SULT4A1: variants seen among roughly 807,000 people sequenced by gnomAD.
SULT4A1 encodes sulfotransferase family 4A member 1, also known as sulfotransferase 4A1.
Under a neutral mutation model 35.2 loss-of-function variants are expected in SULT4A1, and 11 were observed. That is an observed-to-expected ratio of 0.31 (90% CI 0.20 to 0.52). The LOEUF (loss-of-function observed/expected upper bound fraction) is 0.52, where lower values mean the gene tolerates loss of function less well. Among genes scored for constraint, SULT4A1 ranks in the 20% least tolerant of loss-of-function variants. The probability of loss-of-function intolerance (pLI) is 0.97; values close to 1 mark genes in which losing one functional copy is unlikely to be tolerated. For missense variants in SULT4A1, 271 were observed against 383.7 expected (o/e 0.71, Z 2.45); for synonymous variants, 152 against 151.8 (o/e 1.00, Z -0.01).
chr22:43,860,259 A>G (rs1041863639), intron 1 of SULT4A1, among the ~76,000 whole-genome samples: 3 of 152,126 alleles, frequency 2.0e-5, no homozygotes, highest in Non-Finnish European at 4.4e-5. Flanking sequence ...ACTTGCCCCA[A>G]CCCCAGCACC....
At position 43,826,252 on chromosome 22, in the gene SULT4A1, G is replaced by C; in HGVS notation, c.743-139C>G. Reference sequence around the variant, plus strand: ...TGAACTTGGCCTATGGGGGCAGGAAGGGCCGTCTGAGCTACAGACCAGGTG... The same window carrying C: ...TGAACTTGGCCTATGGGGGCAGGAACGGCCGTCTGAGCTACAGACCAGGTG... On this transcript the variant is annotated intron_variant, in intron 6 of 6. Coordinates refer to ENST00000330884, the MANE Select transcript of SULT4A1 (RefSeq NM_014351.4). The C allele has an allele frequency of 5.5e-6, 8 of 1,464,586 alleles. No individual in the cohort carries two copies. The South Asian group carries it at 1.0e-4, about 18-fold the overall frequency. The allele number at this position is 1,464,586 out of a possible 1,614,324, so 90.7% of individuals were successfully genotyped here. A position where few individuals can be genotyped will look rare whatever the true frequency, so the allele number is the denominator to read the frequency against.
intron 6 of SULT4A1, chr22:43,827,363 T>A: frequency 1.0e-6 from 1 of 985,392 alleles, no homozygotes; most frequent in Non-Finnish European, 1.2e-6. Context: ...AAATTATCAG[T>A]GTTGGAGAGA....
intron 2 of SULT4A1, 79 bp from the exon 3 acceptor site, chr22:43,840,104 C>G (rs896565465): frequency 7.3e-6 from 8 of 1,094,992 alleles, no homozygotes; most frequent in Admixed American, 4.5e-5. Flanking sequence ...GGGAAGGGGG[C>G]CAGAGGAGGA....
At chr22:43,840,191 G>A (rs1221665389) in intron 2 of SULT4A1, among the ~76,000 whole-genome samples, 166 bp from the exon 3 acceptor site, 4 of 149,986 alleles carry the variant, frequency 2.7e-5, no homozygotes, top group African/African-American at 9.9e-5. Context: ...GGTCAGGAGA[G>A]CGTCAGGTAA....
At chr22:43,844,897 G>A (rs1320747487) in intron 1 of SULT4A1, among the ~76,000 whole-genome samples, 3 of 152,168 alleles carry the variant, frequency 2.0e-5, no homozygotes, top group Non-Finnish European at 2.9e-5. Flanking sequence ...GCGGGGCCCC[G>A]CCTGGACCAC....
rs192351481 is a variant in SULT4A1 at position 43,846,736 on chromosome 22, G to C, written c.170-4804C>G. Among the ~76,000 whole-genome samples, 71 of 152,368 alleles carry C rather than the reference G, an allele frequency of 4.7e-4. No individual in the cohort carries two copies. The Middle Eastern group carries it at 0.031, about 66-fold the overall frequency. ...ATGTGCCAAGGGTTATAGAACCAGGGTGTGGCTGCCTTGCCTGTTCCTCCT... is the reference window on the plus strand; with the variant it reads ...ATGTGCCAAGGGTTATAGAACCAGGCTGTGGCTGCCTTGCCTGTTCCTCCT... On this transcript the variant is annotated intron_variant, in intron 1 of 6. Coordinates refer to ENST00000330884, the MANE Select transcript of SULT4A1 (RefSeq NM_014351.4).
chr22:43,841,693 T>C, intron 2 of SULT4A1, 109 bp downstream of exon 2: 1 of 1,490,510 alleles, frequency 6.7e-7, no homozygotes, highest in South Asian at 1.3e-5. Context: ...TGGGGCTATC[T>C]GCTCTCCCCT....
chr22:43,835,672 G>A (rs1338859739), intron 4 of SULT4A1, among the ~76,000 whole-genome samples: 3 of 152,132 alleles, frequency 2.0e-5, no homozygotes, highest in African/African-American at 7.2e-5. Flanking sequence ...TGAGTCCCTG[G>A]GGCAGAAGGA....
At chr22:43,857,752 A>T (rs958300275) in intron 1 of SULT4A1, among the ~76,000 whole-genome samples, 1 of 152,168 alleles carries the variant, frequency 6.6e-6, no homozygotes, top group Non-Finnish European at 1.5e-5. Flanking sequence ...ATTTCAGCAG[A>T]AGCTAAACAA....
Position 43,825,924 on chromosome 22 carries a change from A to G in SULT4A1, c.*77T>C. 1 of 1,395,524 alleles carries G rather than the reference A, an allele frequency of 7.2e-7. No homozygotes were observed. The highest frequency in any genetic ancestry group is 1.8e-4 in the Middle Eastern group (1 of 5,520). 86.4% of individuals were successfully genotyped at this position (1,395,524 alleles called of 1,614,324 possible). A position where few individuals can be genotyped will look rare whatever the true frequency, so the allele number is the denominator to read the frequency against. On this transcript the variant is annotated 3_prime_UTR_variant, in exon 7 of 7. Transcript: ENST00000330884. Reference sequence around the variant, plus strand: ...TGCTTCCAGAGTTTGTCCAGCAAGGAATAAATGAATGCATACAGGACTTTT... The same window carrying G: ...TGCTTCCAGAGTTTGTCCAGCAAGGGATAAATGAATGCATACAGGACTTTT...
intron 5 of SULT4A1, among the ~76,000 whole-genome samples, chr22:43,832,452 G>A (rs534446043): frequency 2.6e-5 from 4 of 152,230 alleles, no homozygotes; most frequent in East Asian, 1.9e-4. Flanking sequence ...AGCAAGCCCC[G>A]AAAGGCCACG....
At chr22:43,858,049 CAAAAAAAA>C (rs11362056) in intron 1 of SULT4A1, among the ~76,000 whole-genome samples, 1 of 91,766 alleles carries the variant, frequency 1.1e-5, no homozygotes, top group African/African-American at 4.6e-5. Context: ...GATCCTGTCT[CAAAAAAAA>C]AAAAAAAAAA....
At chr22:43,851,060 C>G (rs1358081307) in intron 1 of SULT4A1, among the ~76,000 whole-genome samples, 1 of 152,102 alleles carries the variant, frequency 6.6e-6, no homozygotes, top group Non-Finnish European at 1.5e-5. Context: ...CAGGATTAAT[C>G]TTCCATTTTT....
intron 6 of SULT4A1, chr22:43,827,058 T>G (rs548592950): frequency 2.0e-6 from 2 of 985,372 alleles, no homozygotes; most frequent in South Asian, 4.7e-5. Flanking sequence ...TCTAGTCCAA[T>G]AGCAACGGTG....
chr22:43,827,137 G>A (rs1603403525), intron 6 of SULT4A1: 1 of 985,466 alleles, frequency 1.0e-6, no homozygotes, highest in Non-Finnish European at 1.2e-6. Flanking sequence ...CATCACCCGA[G>A]TACTGCCTCC....
At chr22:43,832,164 A>G (rs1465198045) in intron 5 of SULT4A1, among the ~76,000 whole-genome samples, 1 of 152,138 alleles carries the variant, frequency 6.6e-6, no homozygotes, top group East Asian at 1.9e-4. Flanking sequence ...CTTGGGCTAC[A>G]CCTTCATCTC....
At chr22:43,831,589 C>T (rs567497603) in intron 5 of SULT4A1, among the ~76,000 whole-genome samples, 92 of 152,320 alleles carry the variant, frequency 6.0e-4, no homozygotes, top group Middle Eastern at 3.4e-3. Flanking sequence ...ATGGATGAAG[C>T]GGTGGCACAT....
chr22:43,827,529 G>C, intron 6 of SULT4A1: 5 of 1,355,788 alleles, frequency 3.7e-6, no homozygotes, highest in Non-Finnish European at 4.9e-6. Context: ...TTAGGATTTG[G>C]AATCAAGACA....
chr22:43,828,933 C>T (rs966369024), intron 6 of SULT4A1, 127 bp downstream of exon 6: 12 of 1,100,344 alleles, frequency 1.1e-5, no homozygotes, highest in African/African-American at 1.6e-5. Context: ...CATGGGCCAG[C>T]TACAGACTGC....
Sources: allele counts gnomAD v4.1 joint callset (sites outside exome capture counted in the v4.1 genomes callset), GRCh38; gene constraint gnomAD v4.1.1; transcripts MANE v1.5; gene names NCBI Gene and HGNC (gene_info 2026-07-23, HGNC 2026-07-21).